The following STPG2 variants were observed in gnomAD, a reference collection of about 807,000 sequenced individuals.
STPG2 encodes sperm-tail PG-rich repeat-containing protein 2.
A neutral mutation model predicts 54.2 loss-of-function variants in STPG2; 56 were observed. The observed-to-expected ratio is 1.03, with a 90% CI of 0.83 to 1.29. The LOEUF is 1.29. Among genes scored for constraint, STPG2 ranks in the 50% most tolerant of loss-of-function variants. The pLI, the probability that STPG2 is intolerant of heterozygous loss-of-function variation, is 0.00. For synonymous variants in STPG2, 200 were observed against 181.8 expected, an observed-to-expected ratio of 1.10 and a Z score of -0.81; for missense variants, 596 against 544.9, an observed-to-expected ratio of 1.09 and a Z score of -0.93.
chr4:97,793,061 G>C (rs1727052276), intron 9 of STPG2, among the ~76,000 whole-genome samples: 1 of 151,986 alleles, frequency 6.6e-6, no homozygotes, highest in Non-Finnish European at 1.5e-5. Context: ...CGCTGAGGCA[G>C]GAGAATCACT....
intron 9 of STPG2, among the ~76,000 whole-genome samples, chr4:97,786,477 G>T (rs1726827941): frequency 6.6e-6 from 1 of 152,084 alleles, no homozygotes; most frequent in African/African-American, 2.4e-5. Flanking sequence ...AAGTTCAAAT[G>T]CAGTAGCTCT....
chr4:98,077,071 T>A (rs181559769), intron 5 of STPG2, among the ~76,000 whole-genome samples: 1 of 152,306 alleles, frequency 6.6e-6, no homozygotes, highest in Admixed American at 6.5e-5. Context: ...ATTATTTTCA[T>A]ATTAATACTA....
At chr4:98,130,921 C>CAGAA (rs1739971794) in intron 2 of STPG2, among the ~76,000 whole-genome samples, 1 of 41,546 alleles carries the variant, frequency 2.4e-5, no homozygotes, top group African/African-American at 9.8e-5. Context: ...GACTCCGTCT[C>CAGAA]AAAAAAAAAA....
chr4:97,508,087 C>G (rs758489444), intron 4 of STPG2, among the ~76,000 whole-genome samples: 1 of 151,960 alleles, frequency 6.6e-6, no homozygotes, highest in Non-Finnish European at 1.5e-5. Context: ...TATGAGTCAC[C>G]TTATTTCTAT....
At chr4:97,713,990 A>G (rs1560499161) in intron 9 of STPG2, among the ~76,000 whole-genome samples, 1 of 152,312 alleles carries the variant, frequency 6.6e-6, no homozygotes, top group African/African-American at 2.4e-5. Flanking sequence ...TATGTGGAAT[A>G]TAATTTCAGA....
chr4:97,488,694 A>G (rs901505807), intron 4 of STPG2, among the ~76,000 whole-genome samples: 2 of 151,718 alleles, frequency 1.3e-5, no homozygotes, highest in Non-Finnish European at 2.9e-5. Flanking sequence ...CCAGTTGAAC[A>G]GAAAGAGACA....
chr4:97,482,680 T>C (rs1560627512), intron 4 of STPG2, among the ~76,000 whole-genome samples: 1 of 151,672 alleles, frequency 6.6e-6, no homozygotes, highest in East Asian at 1.9e-4. Flanking sequence ...TAGAGACCTA[T>C]ATGACAAAAT....
intron 9 of STPG2, among the ~76,000 whole-genome samples, chr4:97,799,557 T>C (rs1219433555): frequency 1.3e-5 from 2 of 152,354 alleles, no homozygotes; most frequent in African/African-American, 2.4e-5. Context: ...GATCCGCTGT[T>C]AGTCTGATGG....
At chr4:97,565,313 G>T (rs192585556) in intron 10 of STPG2, among the ~76,000 whole-genome samples, 231 of 152,162 alleles carry the variant, frequency 1.5e-3, no homozygotes, top group Non-Finnish European at 1.1e-3. Flanking sequence ...CTCTGTATTG[G>T]TTATTATAGT....
intron 9 of STPG2, among the ~76,000 whole-genome samples, chr4:97,827,196 T>C (rs1728285142): frequency 6.6e-6 from 1 of 152,154 alleles, no homozygotes; most frequent in South Asian, 2.1e-4. Flanking sequence ...ATCCTTTGTT[T>C]TGTTTTTCAG....
At chr4:97,857,211 T>C (rs1729365818) in intron 8 of STPG2, among the ~76,000 whole-genome samples, 1 of 152,194 alleles carries the variant, frequency 6.6e-6, no homozygotes, top group African/African-American at 2.4e-5. Context: ...TTCAACTTTT[T>C]GTAATGGTTT....
At chr4:97,756,795 A>G (rs1232988350) in intron 9 of STPG2, among the ~76,000 whole-genome samples, 3 of 151,932 alleles carry the variant, frequency 2.0e-5, no homozygotes, top group African/African-American at 7.3e-5. Context: ...AAAAAAACTG[A>G]TTGCAGGCCA....
intron 9 of STPG2, among the ~76,000 whole-genome samples, chr4:97,762,415 A>G (rs1725915889): frequency 6.6e-6 from 1 of 152,200 alleles, no homozygotes; most frequent in Non-Finnish European, 1.5e-5. Flanking sequence ...CTGATAACAG[A>G]AGGGACAGGA....
chr4:97,782,516 C>T (rs669521), intron 9 of STPG2, among the ~76,000 whole-genome samples: 88,628 of 152,000 alleles, frequency 0.58, 26,402 homozygotes, highest in East Asian at 0.74. Context: ...AGGTAATTTA[C>T]ACATTCAATG....
At position 98,033,123 on chromosome 4, in the gene STPG2, AC is replaced by A. The variant is rs560474782; in HGVS notation, c.613-51806del. ...AACTGAAGAAGATAGAAACACACAC[AC>A]ACACAAAAAAAACCCTTCAAAAAAA... is the stretch of plus-strand genomic sequence containing the variant. On this transcript the variant is annotated intron_variant, in intron 5 of 10. Coordinates refer to ENST00000295268, the MANE Select transcript of STPG2 (RefSeq NM_174952.3). Among the ~76,000 whole-genome samples the A allele has an allele frequency of 3.5e-4, 53 of 150,674 alleles. 1 individual carries two copies. The South Asian group carries it at 8.6e-3, about 24-fold the overall frequency.
intron 5 of STPG2, among the ~76,000 whole-genome samples, chr4:98,024,934 G>C (rs1399685729): frequency 6.6e-6 from 1 of 152,124 alleles, no homozygotes; most frequent in Non-Finnish European, 1.5e-5. Flanking sequence ...ACTCAACAAT[G>C]TCAAAACTCA....
At chr4:97,646,381 T>C (rs1578450970) in intron 10 of STPG2, among the ~76,000 whole-genome samples, 2 of 152,162 alleles carry the variant, frequency 1.3e-5, no homozygotes, top group East Asian at 3.9e-4. Context: ...TTAATATTTT[T>C]CTTTTTTAGT....
At chr4:97,541,910 C>A (rs1044887904) in intron 4 of STPG2, among the ~76,000 whole-genome samples, 1 of 152,132 alleles carries the variant, frequency 6.6e-6, no homozygotes, top group African/African-American at 2.4e-5. Context: ...GGAAAACTGG[C>A]TAGCCATATG....
chr4:97,649,959 C>T (rs1235855514), intron 10 of STPG2, among the ~76,000 whole-genome samples: 1 of 152,062 alleles, frequency 6.6e-6, no homozygotes. Context: ...GAGCCCTGAG[C>T]TTGTTTTCCC....
Sources: allele counts gnomAD v4.1 joint callset (sites outside exome capture counted in the v4.1 genomes callset), GRCh38; gene constraint gnomAD v4.1.1; transcripts MANE v1.5; gene names NCBI Gene and HGNC (gene_info 2026-07-23, HGNC 2026-07-21).